The following LIMS1 variants were observed in gnomAD, a reference collection of about 807,000 sequenced individuals.
LIMS1 encodes LIM zinc finger domain containing 1.
LIMS1 carries 18 observed loss-of-function variants against 44.1 expected under a neutral mutation model. That is an observed-to-expected ratio of 0.41 (90% CI 0.28 to 0.61). LIMS1 has a LOEUF of 0.61. Among genes scored for constraint, LIMS1 ranks in the 20% least tolerant of loss-of-function variants. LIMS1 has a pLI of 0.32. For synonymous variants in LIMS1, 93 were observed against 149.1 expected, an observed-to-expected ratio of 0.62 and a Z score of 2.74; for missense variants, 201 against 422.0, an observed-to-expected ratio of 0.48 and a Z score of 4.59.
intron 1 of LIMS1, among the ~76,000 whole-genome samples, chr2:108,583,037 TTTGTTTTG>T (rs1018040936): frequency 2.1e-4 from 32 of 152,052 alleles, no homozygotes; most frequent in African/African-American, 7.5e-4. Context: ...TTGTTGTTTT[TTTGTTTTG>T]TTTTGTTTTT....
chr2:108,612,005 C>CATATAAAATATATAT (rs1553459837), intron 1 of LIMS1, among the ~76,000 whole-genome samples: 2,542 of 135,046 alleles, frequency 0.019, 62 homozygotes, highest in Non-Finnish European at 0.025. Context: ...TATATATACA[C>CATATAAAATATATAT]ACATATATAT....
chr2:108,635,775 A>G (rs1689205885), intron 1 of LIMS1, among the ~76,000 whole-genome samples: 1 of 124,292 alleles, frequency 8.0e-6, no homozygotes, highest in Non-Finnish European at 1.8e-5. Flanking sequence ...TTTACGTGAT[A>G]ACACACTCCT....
chr2:108,552,592 G>GTGTGTGTGTGTA (rs545978911), intron 1 of LIMS1, among the ~76,000 whole-genome samples: 52,712 of 125,194 alleles, frequency 0.42, 11,255 homozygotes, highest in East Asian at 0.88. Flanking sequence ...TTGGGTGTGT[G>GTGTGTGTGTGTA]TGTGTGTGTG....
chr2:108,583,696 G>GTTTTTTTT (rs1173307399), intron 1 of LIMS1, among the ~76,000 whole-genome samples: 1 of 90,736 alleles, frequency 1.1e-5, no homozygotes, highest in South Asian at 4.0e-4. Context: ...TGTTGTTGCT[G>GTTTTTTTT]TTTCTTTTTT....
chr2:108,581,753 C>T (rs1685893672), intron 1 of LIMS1, among the ~76,000 whole-genome samples: 1 of 152,064 alleles, frequency 6.6e-6, no homozygotes, highest in African/African-American at 2.4e-5. Context: ...GCCTGACCAA[C>T]GTGGTGAAAC....
intron 1 of LIMS1, among the ~76,000 whole-genome samples, chr2:108,611,959 T>TACACATATATAAAATATATATAC (rs1418971324): frequency 6.5e-5 from 9 of 137,908 alleles, no homozygotes; most frequent in African/African-American, 2.6e-4. Context: ...ATACATATAT[T>TACACATATATAAAATATATATAC]ATATATACAC....
chr2:108,637,740 A>C (rs913395028), intron 1 of LIMS1, among the ~76,000 whole-genome samples: 1 of 152,260 alleles, frequency 6.6e-6, no homozygotes, highest in African/African-American at 2.4e-5. Context: ...AATACGAATA[A>C]AAATAAAAGA....
intron 1 of LIMS1, among the ~76,000 whole-genome samples, chr2:108,650,678 G>A (rs926075084): frequency 6.6e-6 from 1 of 151,918 alleles, no homozygotes; most frequent in Admixed American, 6.6e-5. Flanking sequence ...CACCCGCCTC[G>A]GCCTCCCAAA....
chr2:108,588,277 A>T (rs1310464873), intron 1 of LIMS1: 7 of 973,190 alleles, frequency 7.2e-6, no homozygotes, highest in Non-Finnish European at 8.5e-6. Context: ...CAGGAAAAAA[A>T]AAAACCCTGA....
intron 1 of LIMS1, among the ~76,000 whole-genome samples, chr2:108,627,027 A>G (rs542362506): frequency 2.6e-5 from 4 of 152,314 alleles, no homozygotes; most frequent in African/African-American, 7.2e-5. Context: ...TTACTATACT[A>G]TAATATTTTT....
chr2:108,665,180 T>G (rs1691665899), intron 2 of LIMS1, among the ~76,000 whole-genome samples: 1 of 152,224 alleles, frequency 6.6e-6, no homozygotes, highest in Non-Finnish European at 1.5e-5. Flanking sequence ...AAAGGTGTCA[T>G]TAGGCAAGTT....
chr2:108,544,862 C>G (rs1044939447), intron 1 of LIMS1, among the ~76,000 whole-genome samples: 2 of 152,110 alleles, frequency 1.3e-5, no homozygotes, highest in African/African-American at 4.8e-5. Context: ...CTCTTCTCTC[C>G]CCTGTGTCAT....
At chr2:108,663,669 C>G (rs1017090177) in intron 2 of LIMS1, among the ~76,000 whole-genome samples, 3 of 152,150 alleles carry the variant, frequency 2.0e-5, no homozygotes, top group African/African-American at 7.2e-5. Context: ...TTTCTCTCTC[C>G]TTAGTTTGGA....
At chr2:108,573,264 ATACTGATCAGCAGTC>A (rs1685547268) in intron 1 of LIMS1, among the ~76,000 whole-genome samples, 1 of 151,256 alleles carries the variant, frequency 6.6e-6, no homozygotes, top group South Asian at 2.1e-4. Context: ...ACACTGAGCA[ATACTGATCAGCAGTC>A]CTGCTTCTCC....
chr2:108,660,456 C>CA (rs1436683867), intron 2 of LIMS1: 1 of 385,498 alleles, frequency 2.6e-6, no homozygotes, highest in Non-Finnish European at 5.0e-6. Flanking sequence ...TTGTTTGAGA[C>CA]AAAGTCTCAT....
At chr2:108,636,310 C>G (rs752248425) in intron 1 of LIMS1, among the ~76,000 whole-genome samples, 1 of 152,228 alleles carries the variant, frequency 6.6e-6, no homozygotes, top group Non-Finnish European at 1.5e-5. Context: ...TAGCTGACTG[C>G]CAAGGGATGG....
At chr2:108,650,759 G>A (rs1428671933) in intron 1 of LIMS1, among the ~76,000 whole-genome samples, 3 of 152,202 alleles carry the variant, frequency 2.0e-5, no homozygotes, top group African/African-American at 7.2e-5. Context: ...CACTGTTACA[G>A]ATCCTTATTC....
intron 5 of LIMS1, chr2:108,673,499 A>C: frequency 5.2e-6 from 1 of 190,700 alleles, no homozygotes; most frequent in Non-Finnish European, 1.1e-5. Flanking sequence ...CAGTCCTCCC[A>C]CTTCAGCCTC....
intron 1 of LIMS1, among the ~76,000 whole-genome samples, chr2:108,646,710 A>G (rs997030896): frequency 1.3e-5 from 2 of 152,120 alleles, no homozygotes; most frequent in Non-Finnish European, 2.9e-5. Context: ...GTTTTGTTTT[A>G]TTTTGTTTTG....
Sources: allele counts gnomAD v4.1 joint callset (sites outside exome capture counted in the v4.1 genomes callset), GRCh38; gene constraint gnomAD v4.1.1; transcripts MANE v1.5; gene names NCBI Gene and HGNC (gene_info 2026-07-23, HGNC 2026-07-21).